Variants in SAMD3 observed in about 807,000 individuals in gnomAD.
SAMD3 encodes the protein sterile alpha motif domain containing 3.
Under a neutral mutation model 58.5 loss-of-function variants are expected in SAMD3, and 63 were observed. The observed-to-expected ratio is 1.08, with a 90% CI of 0.88 to 1.33. SAMD3 has a LOEUF of 1.33. Ranked by LOEUF, SAMD3 falls within the 40% of genes most tolerant of loss-of-function variation. The pLI is 0.00. For synonymous variants in SAMD3, 220 were observed against 210.3 expected, an observed-to-expected ratio of 1.05 and a Z score of -0.40; for missense variants, 604 against 608.4, an observed-to-expected ratio of 0.99 and a Z score of 0.08.
intron 5 of SAMD3, among the ~76,000 whole-genome samples, chr6:130,202,985 A>G (rs572146205): frequency 1.3e-5 from 2 of 152,182 alleles, no homozygotes; most frequent in East Asian, 1.9e-4. Context: ...CATTATACAT[A>G]TCGGTTCACA....
intron 2 of SAMD3, among the ~76,000 whole-genome samples, chr6:130,245,823 T>C (rs1773522196): frequency 6.6e-6 from 1 of 152,146 alleles, no homozygotes; most frequent in Non-Finnish European, 1.5e-5. Flanking sequence ...TTAGAGGTGG[T>C]GCTCAAATGT....
chr6:130,306,817 C>A (rs949287516), intron 2 of SAMD3, among the ~76,000 whole-genome samples: 4 of 152,158 alleles, frequency 2.6e-5, no homozygotes, highest in African/African-American at 9.7e-5. Flanking sequence ...TGAAAGAGTT[C>A]ATGAACATGA....
chr6:130,351,453 G>T (rs1777660799), intron 1 of SAMD3, among the ~76,000 whole-genome samples: 1 of 152,166 alleles, frequency 6.6e-6, no homozygotes, highest in African/African-American at 2.4e-5. Flanking sequence ...AGACATTTAT[G>T]CAGCCAAAAG....
intron 2 of SAMD3, among the ~76,000 whole-genome samples, chr6:130,265,736 CAT>C (rs1562488541): frequency 6.6e-6 from 1 of 151,328 alleles, no homozygotes; most frequent in African/African-American, 2.4e-5. Flanking sequence ...GGTGGGGGCT[CAT>C]AAACGATATG....
intron 1 of SAMD3, among the ~76,000 whole-genome samples, chr6:130,357,839 A>G (rs1422710774): frequency 6.6e-6 from 1 of 152,210 alleles, no homozygotes; most frequent in East Asian, 1.9e-4. Context: ...GTTTGGGTAA[A>G]CTTTGTGAAA....
chr6:130,233,649 G>T (rs1328067378), intron 2 of SAMD3, among the ~76,000 whole-genome samples: 1 of 152,160 alleles, frequency 6.6e-6, no homozygotes, highest in Non-Finnish European at 1.5e-5. Context: ...TTGTTCTTTG[G>T]GGTATGCTGG....
At chr6:130,255,113 C>T (rs1773880392) in intron 2 of SAMD3, among the ~76,000 whole-genome samples, 1 of 152,066 alleles carries the variant, frequency 6.6e-6, no homozygotes, top group Admixed American at 6.6e-5. Flanking sequence ...TTCCACAATT[C>T]CTCTTGTTAT....
At chr6:130,357,640 T>C (rs528578262) in intron 1 of SAMD3, among the ~76,000 whole-genome samples, 2 of 152,294 alleles carry the variant, frequency 1.3e-5, no homozygotes, top group East Asian at 3.9e-4. Flanking sequence ...GCCTTAACAT[T>C]CGTTTGCTGC....
chr6:130,209,384 A>T, intron 5 of SAMD3, 111 bp downstream of exon 5: 1 of 539,164 alleles, frequency 1.9e-6, no homozygotes, highest in East Asian at 3.1e-5. Context: ...CCCTTCCAGG[A>T]AAACAAAAAG....
At chr6:130,264,092 A>G (rs1774244820) in intron 2 of SAMD3, among the ~76,000 whole-genome samples, 1 of 152,200 alleles carries the variant, frequency 6.6e-6, no homozygotes, top group Non-Finnish European at 1.5e-5. Context: ...AACAAAAGCA[A>G]TTGTTATGCT....
At chr6:130,334,687 T>C (rs1393358100) in intron 1 of SAMD3, among the ~76,000 whole-genome samples, 1 of 152,220 alleles carries the variant, frequency 6.6e-6, no homozygotes, top group Non-Finnish European at 1.5e-5. Flanking sequence ...ATTTCCAGTA[T>C]CTTACCCAGA....
At position 130,237,926 on chromosome 6, in the gene SAMD3, C is replaced by G. The variant is rs113192548; in HGVS notation, c.-187-15113G>C. Among the ~76,000 whole-genome samples the G allele has an allele frequency of 6.6e-3, 1,000 of 152,038 alleles. 6 individuals carry two copies. The highest frequency in any genetic ancestry group is 0.01 in the Non-Finnish European group (684 of 67,954). Reference sequence around the variant, plus strand: ...TATTTATTTAGCAAAGTTTCAATTCCAAGTCTAGGAAACATAAAAAAACGA... The same window carrying G: ...TATTTATTTAGCAAAGTTTCAATTCGAAGTCTAGGAAACATAAAAAAACGA... On this transcript the variant is annotated intron_variant, in intron 2 of 13. Transcript: ENST00000368134.
chr6:130,183,858 A>C lies in SAMD3; in HGVS notation c.654+245T>G, dbSNP rs149469613. Among the ~76,000 whole-genome samples, 231 of 152,232 alleles carry C rather than the reference A, an allele frequency of 1.5e-3. 1 individual carries two copies. Among genetic ancestry groups the C allele is most frequent in the African/African-American group, 5.2e-3 (215 of 41,554 alleles). ...AAGAGAGAGAGCCAGAGAGAGAGAG[A>C]GCGCAAAGTCAAGAAAGAAGCATGG... On this transcript the variant is annotated intron_variant, in intron 7 of 11. Coordinates refer to ENST00000439090, the MANE Select transcript of SAMD3 (RefSeq NM_001017373.4).
chr6:130,208,038 C>T (rs902246419), intron 5 of SAMD3, among the ~76,000 whole-genome samples: 1 of 152,234 alleles, frequency 6.6e-6, no homozygotes, highest in Non-Finnish European at 1.5e-5. Flanking sequence ...GAGGCAACAA[C>T]AGTCCACTTG....
At chr6:130,215,623 A>G in intron 2 of SAMD3, 1 of 1,389,048 alleles carries the variant, frequency 7.2e-7, no homozygotes, top group Non-Finnish European at 9.3e-7. Flanking sequence ...TACCATTAAC[A>G]CCCAGGTTTC....
intron 5 of SAMD3, among the ~76,000 whole-genome samples, chr6:130,199,170 G>T (rs1794415212): frequency 6.6e-6 from 1 of 152,208 alleles, no homozygotes; most frequent in Non-Finnish European, 1.5e-5. Context: ...ACCAGCAATA[G>T]TATTAGTACT....
chr6:130,280,347 C>T (rs560287900), intron 2 of SAMD3, among the ~76,000 whole-genome samples: 18 of 152,278 alleles, frequency 1.2e-4, no homozygotes, highest in African/African-American at 4.3e-4. Flanking sequence ...ATACCTCTTA[C>T]CCTTCTCACC....
At chr6:130,303,402 C>T (rs964349921) in intron 2 of SAMD3, among the ~76,000 whole-genome samples, 9 of 152,140 alleles carry the variant, frequency 5.9e-5, no homozygotes, top group African/African-American at 2.2e-4. Flanking sequence ...GAGCCAATAT[C>T]TCCATTTAGG....
intron 5 of SAMD3, among the ~76,000 whole-genome samples, chr6:130,192,711 A>G (rs887191215): frequency 7.2e-5 from 11 of 152,242 alleles, no homozygotes; most frequent in Admixed American, 7.2e-4. Flanking sequence ...TCGCGCATGA[A>G]ATTTGGTGCC....
Sources: gnomAD v4.1 joint callset for allele counts (sites outside exome capture counted in the v4.1 genomes callset) on GRCh38, gnomAD v4.1.1 for gene constraint, MANE v1.5 for transcripts, NCBI Gene and HGNC (gene_info 2026-07-23, HGNC 2026-07-21) for gene names.